COL8A1: variants seen among roughly 807,000 people sequenced by gnomAD.
The protein encoded by COL8A1 is collagen alpha-1(VIII) chain.
Under a neutral mutation model 42.7 loss-of-function variants are expected in COL8A1, and 21 were observed. The observed-to-expected ratio is 0.49, with a 90% CI of 0.35 to 0.71. COL8A1 has a LOEUF of 0.71. Among genes scored for constraint, COL8A1 ranks in the 30% least tolerant of loss-of-function variants. The probability of loss-of-function intolerance (pLI) is 0.01; values close to 1 mark genes in which losing one functional copy is unlikely to be tolerated. For synonymous variants in COL8A1, 367 were observed against 369.1 expected (o/e 0.99, Z 0.06); for missense variants, 788 against 962.4 (o/e 0.82, Z 2.40).
chr3:99,776,587 G>A (rs937171663), intron 2 of COL8A1, among the ~76,000 whole-genome samples: 4 of 152,114 alleles, frequency 2.6e-5, no homozygotes, highest in Non-Finnish European at 5.9e-5. Flanking sequence ...AAATGTTACC[G>A]GAAAGGGGTC....
At chr3:99,689,478 A>G (rs549913800) in intron 1 of COL8A1, among the ~76,000 whole-genome samples, 3 of 152,336 alleles carry the variant, frequency 2.0e-5, no homozygotes, top group Admixed American at 6.5e-5. Context: ...AAAAAGATAC[A>G]GACCAGGCCC....
intron 1 of COL8A1, among the ~76,000 whole-genome samples, chr3:99,662,992 C>A (rs143360855): frequency 7.9e-5 from 12 of 152,044 alleles, no homozygotes; most frequent in Admixed American, 3.3e-4. Flanking sequence ...TTTTCACTCC[C>A]GGTAGATGAC....
chr3:99,732,312 G>A (rs1940533456), intron 1 of COL8A1, among the ~76,000 whole-genome samples: 1 of 152,170 alleles, frequency 6.6e-6, no homozygotes, highest in South Asian at 2.1e-4. Context: ...CCCTTCTCAT[G>A]CTGCTAATAA....
chr3:99,747,052 A>G (rs1360055847), intron 2 of COL8A1, among the ~76,000 whole-genome samples: 2 of 152,184 alleles, frequency 1.3e-5, no homozygotes, highest in African/African-American at 4.8e-5. Flanking sequence ...TATGAACACC[A>G]TGATAGGCAT....
intron 1 of COL8A1, among the ~76,000 whole-genome samples, chr3:99,708,513 G>A (rs1434414946): frequency 4.0e-5 from 6 of 151,638 alleles, no homozygotes; most frequent in African/African-American, 1.5e-4. Context: ...TTCCACCCGA[G>A]GCTGGAGCCC....
In COL8A1 at chr3:99,794,293, C is replaced by T. The variant is rs1338167992; in HGVS notation, c.392C>T (p.Pro131Leu). ...CGTGGAGAGCCTGGCCCAAGAGGACCACCTGGGCCCCCTGGTTTGCCAGGT... is the reference window on the plus strand; with the variant it reads ...CGTGGAGAGCCTGGCCCAAGAGGACTACCTGGGCCCCCTGGTTTGCCAGGT... ...GPRGEPGPRGPPGPPGLPGHG... is the reference protein window; with the variant it reads ...GPRGEPGPRGLPGPPGLPGHG... Residue 131 changes from proline to leucine, a missense_variant, in exon 4 of 4, where the codon CCA becomes CTA. By Grantham distance (98) the Pro-to-Leu change is moderately conservative. Coordinates refer to ENST00000652472, the MANE Select transcript of COL8A1 (RefSeq NM_020351.4). This position sits in a 1 kb window ranked among gnomAD's most constrained non-coding sequence, Gnocchi z 4.3. 1 of 1,612,826 alleles carries T rather than the reference C, an allele frequency of 6.2e-7. No homozygotes were observed. The highest frequency in any genetic ancestry group is 2.2e-5 in the East Asian group (1 of 44,862).
At chr3:99,791,905 T>C (rs1374912285) in intron 3 of COL8A1, among the ~76,000 whole-genome samples, 1 of 152,168 alleles carries the variant, frequency 6.6e-6, no homozygotes, top group Non-Finnish European at 1.5e-5. Context: ...GTTGAGAGAA[T>C]CAGTGACATA....
chr3:99,785,981 A>T (rs1941886756), intron 2 of COL8A1, among the ~76,000 whole-genome samples: 1 of 152,318 alleles, frequency 6.6e-6, no homozygotes, highest in South Asian at 2.1e-4. Context: ...TATCGTAAAT[A>T]AAGAATTCAA....
intron 2 of COL8A1, among the ~76,000 whole-genome samples, chr3:99,779,840 TAAC>T (rs945263194): frequency 1.3e-5 from 2 of 152,218 alleles, no homozygotes; most frequent in African/African-American, 4.8e-5. Flanking sequence ...CTAAGACCTT[TAAC>T]ATAGGTATAA....
At chr3:99,730,056 A>G (rs1940455661) in intron 1 of COL8A1, among the ~76,000 whole-genome samples, 1 of 152,144 alleles carries the variant, frequency 6.6e-6, no homozygotes, top group South Asian at 2.1e-4. Flanking sequence ...CTCTGGGATG[A>G]TGTCAATGGG....
At chr3:99,658,076 G>A (rs546501250) in intron 1 of COL8A1, among the ~76,000 whole-genome samples, 43 of 147,852 alleles carry the variant, frequency 2.9e-4, no homozygotes, top group African/African-American at 9.4e-4. Flanking sequence ...GCAGTGAGCC[G>A]AGATCGCACC....
chr3:99,700,471 G>A (rs1047290061), intron 1 of COL8A1, among the ~76,000 whole-genome samples: 3 of 152,028 alleles, frequency 2.0e-5, no homozygotes, highest in Non-Finnish European at 4.4e-5. Context: ...CACTTGGTAC[G>A]TGAAGTCACC....
At chr3:99,781,030 T>G (rs1035231710) in intron 2 of COL8A1, among the ~76,000 whole-genome samples, 5 of 152,186 alleles carry the variant, frequency 3.3e-5, no homozygotes, top group Non-Finnish European at 7.3e-5. Flanking sequence ...CTGCCCTCTC[T>G]GTGGCTGACG....
chr3:99,759,482 C>T (rs1010227809), intron 2 of COL8A1, among the ~76,000 whole-genome samples: 2 of 152,082 alleles, frequency 1.3e-5, no homozygotes, highest in African/African-American at 4.8e-5. Flanking sequence ...AAAGGGAAAA[C>T]TACATAAGGG....
intron 1 of COL8A1, among the ~76,000 whole-genome samples, chr3:99,721,712 C>T (rs73860416): frequency 3.3e-5 from 5 of 151,864 alleles, no homozygotes; most frequent in African/African-American, 1.2e-4. Flanking sequence ...GTTTAATTAG[C>T]CATTAGGTTT....
intron 1 of COL8A1, among the ~76,000 whole-genome samples, chr3:99,729,447 T>C (rs535326975): frequency 2.7e-4 from 41 of 152,122 alleles, no homozygotes; most frequent in Admixed American, 1.2e-3. Context: ...CATGAGACCA[T>C]TGCATGGGTT....
intron 2 of COL8A1, among the ~76,000 whole-genome samples, chr3:99,764,422 T>C (rs1359304846): frequency 1.3e-5 from 2 of 152,232 alleles, no homozygotes; most frequent in Admixed American, 1.3e-4. Flanking sequence ...ATATGAAAAG[T>C]ATTTTTGTGC....
At chr3:99,725,496 T>C (rs1160660828) in intron 1 of COL8A1, among the ~76,000 whole-genome samples, 6 of 151,434 alleles carry the variant, frequency 4.0e-5, no homozygotes, top group African/African-American at 1.5e-4. Flanking sequence ...ACATGTGCCA[T>C]GTTGGTGTGC....
In COL8A1 at chr3:99,740,435, G is replaced by T. The variant is rs375527415; in HGVS notation, c.-128-4462G>T. On this transcript the variant is annotated intron_variant, in intron 1 of 3. Coordinates refer to ENST00000652472, the MANE Select transcript of COL8A1 (RefSeq NM_020351.4). ...AATTGACTCACAGTTCAGCATGGCT[G>T]GGGAGGCCTCATAAAACTTACCATC... Among the ~76,000 whole-genome samples the T allele has an allele frequency of 2.8e-3, 419 of 152,326 alleles. 4 individuals carry two copies. Among genetic ancestry groups the T allele is most frequent in the South Asian group, 0.023 (112 of 4,828 alleles).
Sources: allele counts gnomAD v4.1 joint callset (sites outside exome capture counted in the v4.1 genomes callset), GRCh38; gene constraint gnomAD v4.1.1; non-coding constraint Gnocchi (gnomAD v3.1); transcripts MANE v1.5; gene names NCBI Gene and HGNC (gene_info 2026-07-23, HGNC 2026-07-21).